The following PRORP variants were observed in gnomAD, a reference collection of about 807,000 sequenced individuals.
The protein encoded by PRORP is mitochondrial ribonuclease P catalytic subunit.
PRORP carries 51 observed loss-of-function variants against 59.4 expected under a neutral mutation model. The observed-to-expected ratio is 0.86, with a 90% CI of 0.69 to 1.08. The LOEUF (loss-of-function observed/expected upper bound fraction) is 1.08. PRORP is among the 50% of genes least tolerant of loss of function. The pLI, the probability that PRORP is intolerant of heterozygous loss-of-function variation, is 0.00. For synonymous variants in PRORP, 231 were observed against 245.6 expected (o/e 0.94, Z 0.55); for missense variants, 646 against 690.3 (o/e 0.94, Z 0.72).
chr14:35,183,839 A>AT (rs1348262499), intron 5 of PRORP, among the ~76,000 whole-genome samples: 19 of 152,250 alleles, frequency 1.2e-4, no homozygotes, highest in Non-Finnish European at 2.1e-4. Context: ...GGTCAAACAG[A>AT]TTTTTTTAAA....
At position 35,144,947 on chromosome 14, in the gene PRORP, T is replaced by C. The variant is rs1228940943; in HGVS notation, c.1167+17336T>C. 1.4e-5 allele frequency among the ~76,000 whole-genome samples: 2 copies of C among 145,586 alleles called. 1 individual carries two copies. The highest frequency in any genetic ancestry group is 3.1e-5 in the Non-Finnish European group (2 of 65,550). On this transcript the variant is annotated intron_variant, in intron 4 of 7. Transcript: ENST00000534898. ...AAGACAGCAGTCTCAGTACTCAGTA[T>C]ATTTTCTATTAGTTTCTTATGTTCT...
chr14:35,139,112 A>G lies in PRORP; in HGVS notation c.1167+11501A>G, dbSNP rs77701482. Among the ~76,000 whole-genome samples the G allele has an allele frequency of 8.9e-3, 1,293 of 145,238 alleles. 157 individuals are homozygous for G. Among genetic ancestry groups the G allele is most frequent in the South Asian group, 0.027 (120 of 4,406 alleles). ...GGCCAAAGATACTGATTTTTCATAC[A>G]AGTCCTTTTGGTTTTGTTGTTAAAA... On this transcript the variant is annotated intron_variant, in intron 4 of 7. Coordinates refer to ENST00000534898, the MANE Select transcript of PRORP (RefSeq NM_014672.4).
At chr14:35,131,710 G>A (rs1315583034) in intron 4 of PRORP, among the ~76,000 whole-genome samples, 2 of 151,492 alleles carry the variant, frequency 1.3e-5, no homozygotes, top group African/African-American at 4.9e-5. Flanking sequence ...TATATTTTTA[G>A]TAGAGACAGG....
chr14:35,126,714 G>T, intron 2 of PRORP, 21 bp from the exon 3 acceptor site: 1 of 1,588,666 alleles, frequency 6.3e-7, no homozygotes, highest in South Asian at 1.1e-5. Context: ...CTCATGATTT[G>T]GTTTTGCAAT....
chr14:35,235,149 G>A, intron 5 of PRORP: 2 of 566,218 alleles, frequency 3.5e-6, no homozygotes. Context: ...TTATTTTTAT[G>A]TACAGAAAAC....
chr14:35,210,750 CTTTTTTTT>C (rs71435870), intron 5 of PRORP, among the ~76,000 whole-genome samples: 9 of 34,070 alleles, frequency 2.6e-4, no homozygotes, highest in Non-Finnish European at 3.5e-4. Flanking sequence ...TTTCTTTTGC[CTTTTTTTT>C]TTTTTTTTTT....
chr14:35,202,374 G>T (rs987198975), intron 5 of PRORP, among the ~76,000 whole-genome samples: 17 of 152,206 alleles, frequency 1.1e-4, no homozygotes, highest in African/African-American at 4.1e-4. Flanking sequence ...AAGGAAATGT[G>T]TTTCTGCCAC....
At chr14:35,261,283 G>T (rs1309691186) in intron 5 of PRORP, among the ~76,000 whole-genome samples, 1 of 152,112 alleles carries the variant, frequency 6.6e-6, no homozygotes, top group African/African-American at 2.4e-5. Context: ...ACCTTTCCAA[G>T]TCTTCTTATG....
At chr14:35,174,853 A>C (rs2048407133) in intron 4 of PRORP, among the ~76,000 whole-genome samples, 1 of 147,792 alleles carries the variant, frequency 6.8e-6, no homozygotes, top group Non-Finnish European at 1.5e-5. Flanking sequence ...TTAACTCGTC[A>C]TTTACGTTAC....
At chr14:35,164,037 C>A (rs1294579111) in intron 4 of PRORP, among the ~76,000 whole-genome samples, 2 of 152,168 alleles carry the variant, frequency 1.3e-5, no homozygotes, top group Non-Finnish European at 2.9e-5. Context: ...TTCCTTTCCC[C>A]ATTGCTTGTT....
At chr14:35,168,830 A>G (rs2138983078) in intron 4 of PRORP, among the ~76,000 whole-genome samples, 1 of 152,250 alleles carries the variant, frequency 6.6e-6, no homozygotes, top group East Asian at 1.9e-4. Context: ...TAATGTTGCT[A>G]ATAATTTTCC....
rs374018787 is a variant in PRORP at position 35,229,206 on chromosome 14, A to G, written c.1276-37521A>G. Among the ~76,000 whole-genome samples the G allele has an allele frequency of 3.3e-5, 5 of 152,126 alleles. 1 individual carries two copies. Among genetic ancestry groups the G allele is most frequent in the Non-Finnish European group, 1.5e-5 (1 of 68,002 alleles). On this transcript the variant is annotated intron_variant, in intron 5 of 7. Coordinates refer to ENST00000534898, the MANE Select transcript of PRORP (RefSeq NM_014672.4). The stretch of plus-strand genomic sequence containing the variant: ...TTCCTGGATATTAGATTTTTGTTGG[A>G]TGCGTAGTTTGCGATTATTTTCTCC...
In PRORP at chr14:35,249,301, G is replaced by A. The variant is rs575574101; in HGVS notation, c.1276-17426G>A. Among the ~76,000 whole-genome samples the A allele has an allele frequency of 1.1e-3, 169 of 152,206 alleles. 1 individual carries two copies. Among genetic ancestry groups the A allele is most frequent in the Middle Eastern group, 6.8e-3 (2 of 294 alleles). On this transcript the variant is annotated intron_variant, in intron 5 of 7. Coordinates refer to ENST00000534898, the MANE Select transcript of PRORP (RefSeq NM_014672.4). Reference sequence around the variant, plus strand: ...GTAATCACATAAAAAGTGAAGATGGGCTGGGCATGGTGGTTCATACCTGTA... The same window carrying A: ...GTAATCACATAAAAAGTGAAGATGGACTGGGCATGGTGGTTCATACCTGTA...
chr14:35,218,386 A>G (rs1420467184), intron 5 of PRORP, among the ~76,000 whole-genome samples: 3 of 138,732 alleles, frequency 2.2e-5, no homozygotes, highest in East Asian at 2.4e-4. Flanking sequence ...ACTTGAGCCC[A>G]GGAGGTCAAG....
At chr14:35,246,490 C>T (rs1223107785) in intron 5 of PRORP, among the ~76,000 whole-genome samples, 1 of 152,148 alleles carries the variant, frequency 6.6e-6, no homozygotes, top group Non-Finnish European at 1.5e-5. Flanking sequence ...ACTTCCAGTT[C>T]TGGAGTCTTT....
In PRORP at chr14:35,277,529, T is replaced by C. The variant is rs1190521725; in HGVS notation, c.*3963T>C. The C allele has an allele frequency of 6.6e-6, 1 of 152,180 alleles. No individual in the cohort carries two copies. The highest frequency in any genetic ancestry group is 1.5e-5 in the Non-Finnish European group (1 of 68,034). 9.4% of individuals were successfully genotyped at this position (152,180 alleles called of 1,614,324 possible). On this transcript the variant is annotated 3_prime_UTR_variant, in exon 8 of 8. Coordinates refer to ENST00000534898, the MANE Select transcript of PRORP (RefSeq NM_014672.4). Reference sequence around the variant, plus strand: ...ACAAAGGAAGTTCCATTTAGAGCTCTACAGAGGGGAAGCCATAGAAATTAA... The same window carrying C: ...ACAAAGGAAGTTCCATTTAGAGCTCCACAGAGGGGAAGCCATAGAAATTAA...
At chr14:35,209,561 T>G (rs2049383663) in intron 5 of PRORP, among the ~76,000 whole-genome samples, 2 of 152,216 alleles carry the variant, frequency 1.3e-5, no homozygotes, top group African/African-American at 4.8e-5. Context: ...TTGTTTTGTT[T>G]TGTTTTTTGA....
chr14:35,173,476 T>A (rs1458082123), intron 4 of PRORP, among the ~76,000 whole-genome samples: 3 of 152,184 alleles, frequency 2.0e-5, no homozygotes, highest in Non-Finnish European at 4.4e-5. Flanking sequence ...TCTCCAAGCA[T>A]GTGCAGATCA....
chr14:35,207,306 T>G (rs2049319960), intron 5 of PRORP, among the ~76,000 whole-genome samples: 1 of 152,260 alleles, frequency 6.6e-6, no homozygotes, highest in South Asian at 2.1e-4. Flanking sequence ...CTTACAATTC[T>G]GCTTTATTAA....
Sources: gnomAD v4.1 joint callset for allele counts (sites outside exome capture counted in the v4.1 genomes callset) on GRCh38, gnomAD v4.1.1 for gene constraint, MANE v1.5 for transcripts, NCBI Gene and HGNC (gene_info 2026-07-23, HGNC 2026-07-21) for gene names.